PTPRT: variants seen among roughly 807,000 people sequenced by gnomAD.
The protein encoded by PTPRT is receptor-type tyrosine-protein phosphatase T.
A neutral mutation model predicts 176.8 loss-of-function variants in PTPRT; 56 were observed. That is an observed-to-expected ratio of 0.32 (90% CI 0.26 to 0.40). The LOEUF (loss-of-function observed/expected upper bound fraction) is 0.40, where lower values mean the gene tolerates loss of function less well. PTPRT is among the 10% of genes least tolerant of loss of function. The probability of loss-of-function intolerance (pLI) is 1.00; values close to 1 mark genes in which losing one functional copy is unlikely to be tolerated. For synonymous variants in PTPRT, 783 were observed against 739.0 expected, an observed-to-expected ratio of 1.06 and a Z score of -0.96; for missense variants, 1,540 against 1,908.2, an observed-to-expected ratio of 0.81 and a Z score of 3.60.
chr20:42,853,967 T>G (rs1276557893), intron 2 of PTPRT, among the ~76,000 whole-genome samples: 1 of 152,178 alleles, frequency 6.6e-6, no homozygotes. Context: ...GGGCTAATTC[T>G]GTACCACCCA....
chr20:43,130,254 G>A (rs1160807635), intron 1 of PTPRT, among the ~76,000 whole-genome samples: 1 of 152,106 alleles, frequency 6.6e-6, no homozygotes, highest in Non-Finnish European at 1.5e-5. Flanking sequence ...TGAGATGGAA[G>A]GAGGCAAATC....
At chr20:42,409,472 A>T (rs2058991927) in intron 9 of PTPRT, among the ~76,000 whole-genome samples, 1 of 121,450 alleles carries the variant, frequency 8.2e-6, no homozygotes, top group Non-Finnish European at 1.7e-5. Context: ...ACAGAACGAG[A>T]CTCTGTCGCA....
intron 6 of PTPRT, among the ~76,000 whole-genome samples, chr20:42,741,448 G>A (rs185273562): frequency 1.3e-5 from 2 of 151,928 alleles, no homozygotes; most frequent in Non-Finnish European, 2.9e-5. Flanking sequence ...AGGTTCAAGC[G>A]ATTCTCCTGC....
intron 1 of PTPRT, among the ~76,000 whole-genome samples, chr20:43,157,356 C>T (rs1001886175): frequency 6.6e-6 from 1 of 152,008 alleles, no homozygotes. Flanking sequence ...AGAGTGAGAC[C>T]GTGTCTCAAA....
chr20:43,095,657 C>T (rs1210798286), intron 1 of PTPRT, among the ~76,000 whole-genome samples: 1 of 150,060 alleles, frequency 6.7e-6, no homozygotes, highest in Non-Finnish European at 1.5e-5. Flanking sequence ...TCCCACCTCT[C>T]TTCCCTTTCT....
chr20:42,128,799 C>A lies in PTPRT; in HGVS notation c.2802G>T (p.Leu934=). Residue 934 remains leucine, a synonymous_variant, in exon 19 of 31, where the codon CTG becomes CTT. Transcript: ENST00000373187. ...TGTAGTCAGAGTGCGGGTCTCCATC[C>A]AGCACCAGCAGCCTCACCCGGGAAT... ...YDHSRVRLLV[L]DGDPHSDYIN... 6.2e-7 allele frequency: 1 copy of A among 1,606,938 alleles called. No homozygotes were observed. Among genetic ancestry groups the A allele is most frequent in the Non-Finnish European group, 8.5e-7 (1 of 1,175,996 alleles).
At chr20:42,429,123 G>A (rs1243999815) in intron 9 of PTPRT, among the ~76,000 whole-genome samples, 1 of 152,098 alleles carries the variant, frequency 6.6e-6, no homozygotes, top group Non-Finnish European at 1.5e-5. Context: ...GGTCATCTCA[G>A]GCAAGTAACT....
intron 12 of PTPRT, among the ~76,000 whole-genome samples, chr20:42,284,605 C>T (rs938054037): frequency 7.9e-5 from 12 of 152,100 alleles, no homozygotes; most frequent in Non-Finnish European, 1.6e-4. Flanking sequence ...GAACTAATTG[C>T]TAATATCCTA....
At chr20:42,909,742 C>T (rs1304692628) in intron 1 of PTPRT, among the ~76,000 whole-genome samples, 1 of 152,112 alleles carries the variant, frequency 6.6e-6, no homozygotes, top group Non-Finnish European at 1.5e-5. Flanking sequence ...AACATCAGAC[C>T]TCAGGCAGGA....
chr20:43,070,508 A>G (rs2011165978), intron 1 of PTPRT, among the ~76,000 whole-genome samples: 1 of 152,258 alleles, frequency 6.6e-6, no homozygotes, highest in Non-Finnish European at 1.5e-5. Context: ...TCATGCTGCT[A>G]TAAAAACACA....
At chr20:42,663,839 T>C (rs1448647035) in intron 7 of PTPRT, among the ~76,000 whole-genome samples, 5 of 152,236 alleles carry the variant, frequency 3.3e-5, no homozygotes, top group African/African-American at 1.2e-4. Context: ...CCACTGTGTG[T>C]GTGCACCAAA....
At chr20:43,073,425 T>C (rs950585752) in intron 1 of PTPRT, among the ~76,000 whole-genome samples, 2 of 151,710 alleles carry the variant, frequency 1.3e-5, no homozygotes, top group African/African-American at 4.8e-5. Flanking sequence ...TAGGGGGAAA[T>C]GAGTGGCAAA....
intron 1 of PTPRT, among the ~76,000 whole-genome samples, chr20:42,985,889 C>T (rs1377738276): frequency 1.3e-5 from 2 of 152,046 alleles, no homozygotes; most frequent in Non-Finnish European, 2.9e-5. Context: ...AGGAGCAGCC[C>T]AGCAGTGTGG....
At chr20:43,117,554 G>C (rs183861863) in intron 1 of PTPRT, among the ~76,000 whole-genome samples, 1 of 152,106 alleles carries the variant, frequency 6.6e-6, no homozygotes, top group Non-Finnish European at 1.5e-5. Context: ...CTGGTGAACT[G>C]AGCCATATCT....
intron 25 of PTPRT, among the ~76,000 whole-genome samples, 160 bp from the exon 26 acceptor site, chr20:42,102,457 T>C (rs1383739786): frequency 6.6e-6 from 1 of 152,186 alleles, no homozygotes; most frequent in East Asian, 1.9e-4. Context: ...CACGGTGATG[T>C]TCTGTCCTCT....
chr20:43,036,717 G>A (rs1986396344), intron 1 of PTPRT, among the ~76,000 whole-genome samples: 1 of 152,066 alleles, frequency 6.6e-6, no homozygotes, highest in Admixed American at 6.5e-5. Context: ...TCATTAAGGA[G>A]GAAGTAAAAT....
At chr20:42,400,368 C>T (rs762419659) in intron 9 of PTPRT, among the ~76,000 whole-genome samples, 3 of 151,980 alleles carry the variant, frequency 2.0e-5, no homozygotes, top group African/African-American at 2.4e-5. Flanking sequence ...TTGCTAGGTC[C>T]TATGCTATGT....
At chr20:42,544,651 C>T (rs528291879) in intron 7 of PTPRT, among the ~76,000 whole-genome samples, 1 of 152,268 alleles carries the variant, frequency 6.6e-6, no homozygotes, top group Non-Finnish European at 1.5e-5. Flanking sequence ...TTCCACTCCT[C>T]TCTCAGGAGA....
intron 8 of PTPRT, among the ~76,000 whole-genome samples, chr20:42,463,623 T>C (rs1255275156): frequency 2.0e-5 from 3 of 152,080 alleles, no homozygotes; most frequent in Non-Finnish European, 4.4e-5. Flanking sequence ...TCCTCTCCTC[T>C]CTTTATCTCC....
Sources: allele counts gnomAD v4.1 joint callset (sites outside exome capture counted in the v4.1 genomes callset), GRCh38; gene constraint gnomAD v4.1.1; transcripts MANE v1.5; gene names NCBI Gene and HGNC (gene_info 2026-07-23, HGNC 2026-07-21).